SLX4IP: variants seen among roughly 807,000 people sequenced by gnomAD.
SLX4IP encodes the protein protein SLX4IP.
SLX4IP carries 34 observed loss-of-function variants against 32.9 expected under a neutral mutation model. The ratio of observed to expected loss-of-function variants is 1.03; its 90% CI spans 0.79 to 1.38. The LOEUF (loss-of-function observed/expected upper bound fraction) is 1.38. Ranked by LOEUF, SLX4IP falls within the 40% of genes most tolerant of loss-of-function variation. SLX4IP has a pLI of 0.00. For synonymous variants in SLX4IP, 172 were observed against 171.7 expected, an observed-to-expected ratio of 1.00 and a Z score of -0.01; for missense variants, 444 against 479.0, an observed-to-expected ratio of 0.93 and a Z score of 0.68.
chr20:10,522,741 G>A (rs2065910185), intron 2 of SLX4IP, among the ~76,000 whole-genome samples: 1 of 152,096 alleles, frequency 6.6e-6, no homozygotes, highest in Admixed American at 6.6e-5. Flanking sequence ...AACCCTCCTT[G>A]TTCTTCCCCG....
rs555142273 is a variant in SLX4IP, at chr20:10,627,137, G to C, written c.*3758G>C. On this transcript the variant is annotated 3_prime_UTR_variant, in exon 8 of 8. Coordinates refer to ENST00000334534, the MANE Select transcript of SLX4IP (RefSeq NM_001009608.3). The stretch of plus-strand genomic sequence containing the variant: ...GTAATATTACACAAAACTGTAATGA[G>C]TGGCCCTCCTTTGGAGGTAACAGAT... The C allele has an allele frequency of 6.6e-6, 1 of 152,322 alleles. No individual in the cohort carries two copies. The highest frequency in any genetic ancestry group is 2.1e-4 in the South Asian group (1 of 4,824). 9.4% of individuals were successfully genotyped at this position (152,322 alleles called of 1,614,324 possible).
At chr20:10,503,274 A>G (rs895478293) in intron 2 of SLX4IP, among the ~76,000 whole-genome samples, 7 of 152,196 alleles carry the variant, frequency 4.6e-5, no homozygotes, top group African/African-American at 1.7e-4. Context: ...CTACAGGGTT[A>G]AACTAGCCAC....
chr20:10,507,891 G>C (rs1371632650), intron 2 of SLX4IP, among the ~76,000 whole-genome samples: 1 of 143,898 alleles, frequency 6.9e-6, no homozygotes, highest in Admixed American at 7.2e-5. Flanking sequence ...GGAGCAGAGG[G>C]ATACAGTCTC....
chr20:10,450,157 A>G (rs922159770), intron 1 of SLX4IP, among the ~76,000 whole-genome samples: 1 of 151,156 alleles, frequency 6.6e-6, no homozygotes. Context: ...ATATGGGAAA[A>G]CTGGTGTGTA....
chr20:10,469,671 C>A (rs76868720), intron 2 of SLX4IP, among the ~76,000 whole-genome samples: 2,136 of 152,206 alleles, frequency 0.014, 45 homozygotes, highest in African/African-American at 0.047. Flanking sequence ...TCAGTAAGCA[C>A]CTTGGATTCT....
intron 2 of SLX4IP, among the ~76,000 whole-genome samples, chr20:10,525,724 T>G (rs2065935280): frequency 6.6e-6 from 1 of 152,208 alleles, no homozygotes; most frequent in Non-Finnish European, 1.5e-5. Context: ...ACCAGCACAT[T>G]TCTTCGTGTC....
chr20:10,517,750 G>A (rs1340246574), intron 2 of SLX4IP, among the ~76,000 whole-genome samples: 1 of 152,134 alleles, frequency 6.6e-6, no homozygotes, highest in African/African-American at 2.4e-5. Flanking sequence ...CTGGAGGTGT[G>A]GAGAAGCGAC....
At position 10,565,554 on chromosome 20, in the gene SLX4IP, T is replaced by C. The variant is rs1024784875; in HGVS notation, c.238+4734T>C. Among the ~76,000 whole-genome samples the C allele has an allele frequency of 2.0e-5, 3 of 152,120 alleles. No homozygotes were observed. In the East Asian group the frequency reaches 5.8e-4, roughly 29 times the overall value. ...GAGTCCACCACAAGGCAAAACTAGA[T>C]TTCATGGTTGTCTCCTAGTTACAAG... On this transcript the variant is annotated intron_variant, in intron 4 of 7. Coordinates refer to ENST00000334534, the MANE Select transcript of SLX4IP (RefSeq NM_001009608.3).
chr20:10,478,393 T>C (rs1333179457), intron 2 of SLX4IP, among the ~76,000 whole-genome samples: 4 of 152,180 alleles, frequency 2.6e-5, no homozygotes, highest in South Asian at 2.1e-4. Context: ...GGCAGTGAGA[T>C]TGAGTAATTT....
chr20:10,505,755 A>T (rs6039994), intron 2 of SLX4IP, among the ~76,000 whole-genome samples: 4,584 of 151,928 alleles, frequency 0.03, 113 homozygotes, highest in Admixed American at 0.099. Flanking sequence ...TCTATTTAAT[A>T]TGTTTGTCTG....
intron 2 of SLX4IP, among the ~76,000 whole-genome samples, chr20:10,541,400 T>C (rs938326637): frequency 2.0e-5 from 3 of 152,194 alleles, no homozygotes; most frequent in African/African-American, 7.2e-5. Context: ...TTTTAGTCTC[T>C]CACTAAAATA....
At chr20:10,607,755 A>T (rs896366201) in intron 6 of SLX4IP, among the ~76,000 whole-genome samples, 30 of 152,194 alleles carry the variant, frequency 2.0e-4, no homozygotes, top group African/African-American at 7.0e-4. Flanking sequence ...CTAGACTAAG[A>T]TGGAGAAAAT....
At chr20:10,618,405 A>G (rs533942899) in intron 6 of SLX4IP, among the ~76,000 whole-genome samples, 9 of 152,364 alleles carry the variant, frequency 5.9e-5, no homozygotes, top group Admixed American at 5.2e-4. Context: ...ATAACCAAAA[A>G]GTAAAACAAA....
At chr20:10,592,578 AT>A (rs1169232317) in intron 4 of SLX4IP, among the ~76,000 whole-genome samples, 3 of 128,448 alleles carry the variant, frequency 2.3e-5, no homozygotes, top group Non-Finnish European at 4.9e-5. Context: ...TTACAACTTC[AT>A]TTTTCCTTAA....
chr20:10,600,056 G>A (rs934209914), intron 5 of SLX4IP, among the ~76,000 whole-genome samples: 2 of 151,886 alleles, frequency 1.3e-5, no homozygotes, highest in African/African-American at 4.8e-5. Flanking sequence ...TTTTTTAGGG[G>A]GGGGAGGTGG....
At chr20:10,452,702 T>TATATATATATATATATATG (rs1284471352) in intron 1 of SLX4IP, among the ~76,000 whole-genome samples, 1 of 146,712 alleles carries the variant, frequency 6.8e-6, no homozygotes, top group African/African-American at 2.5e-5. Context: ...TATATGTAAA[T>TATATATATATATATATATG]TAGCTGGGCT....
intron 2 of SLX4IP, among the ~76,000 whole-genome samples, chr20:10,458,519 C>G (rs540088698): frequency 1.4e-4 from 22 of 152,242 alleles, no homozygotes; most frequent in Middle Eastern, 6.8e-3. Flanking sequence ...TCTCCCTCCC[C>G]CTTCCCCCAC....
At chr20:10,526,141 T>C (rs2065938612) in intron 2 of SLX4IP, among the ~76,000 whole-genome samples, 1 of 152,168 alleles carries the variant, frequency 6.6e-6, no homozygotes, top group South Asian at 2.1e-4. Context: ...TTCACGCCTC[T>C]GCATTTGTTC....
chr20:10,575,066 C>T (rs997648572), intron 4 of SLX4IP, among the ~76,000 whole-genome samples: 8 of 152,088 alleles, frequency 5.3e-5, no homozygotes, highest in African/African-American at 1.9e-4. Flanking sequence ...CTACATATTC[C>T]AAAGACAGGT....
Sources: allele counts gnomAD v4.1 joint callset (sites outside exome capture counted in the v4.1 genomes callset), GRCh38; gene constraint gnomAD v4.1.1; transcripts MANE v1.5; gene names NCBI Gene and HGNC (gene_info 2026-07-23, HGNC 2026-07-21).